LRRC7: variants seen among roughly 807,000 people sequenced by gnomAD.
The protein encoded by LRRC7 is leucine rich repeat containing 7, also known as leucine-rich repeat-containing protein 7.
LRRC7 carries 23 observed loss-of-function variants against 175.7 expected under a neutral mutation model. The ratio of observed to expected loss-of-function variants is 0.13; its 90% confidence interval spans 0.09 to 0.19. The LOEUF is 0.19. LRRC7 is among the 10% of genes least tolerant of loss of function. The probability of loss-of-function intolerance (pLI) is 1.00; values close to 1 mark genes in which losing one functional copy is unlikely to be tolerated. For missense variants in LRRC7, 1,354 were observed against 1,904.7 expected (o/e 0.71, Z 5.38); for synonymous variants, 685 against 680.9 (o/e 1.01, Z -0.09).
In LRRC7 at chr1:70,132,517, G is replaced by T. The variant is rs769484605; in HGVS notation, c.*10630G>T. On this transcript the variant is annotated 3_prime_UTR_variant, in exon 27 of 27. Transcript: ENST00000651989. The stretch of plus-strand genomic sequence containing the variant: ...GTCTCACTCTGTCATCAGGCTGGAG[G>T]CTGGAGTGCAGTGGCACGATCTCAG... Among the ~76,000 whole-genome samples, 58 of 123,696 alleles carry T rather than the reference G, an allele frequency of 4.7e-4. No individual in the cohort carries two copies. Among genetic ancestry groups the T allele is most frequent in the Non-Finnish European group, 7.2e-4 (46 of 63,876 alleles). 81.1% of individuals were successfully genotyped at this position (123,696 alleles called of 152,430 possible).
intron 1 of LRRC7, among the ~76,000 whole-genome samples, chr1:69,619,805 A>C (rs1433692068): frequency 1.3e-5 from 2 of 152,220 alleles, no homozygotes; most frequent in African/African-American, 4.8e-5. Context: ...CTGTATAATG[A>C]AATGTGTCAA....
intron 1 of LRRC7, among the ~76,000 whole-genome samples, chr1:69,611,688 A>G (rs1648756820): frequency 6.6e-6 from 1 of 152,066 alleles, no homozygotes; most frequent in African/African-American, 2.4e-5. Flanking sequence ...AGGCACATGG[A>G]ACCCTTTTTG....
chr1:69,787,421 C>T (rs1674584384), intron 3 of LRRC7, among the ~76,000 whole-genome samples: 4 of 152,226 alleles, frequency 2.6e-5, no homozygotes, highest in African/African-American at 9.6e-5. Context: ...CACATTTCCC[C>T]TCTGCACTGC....
At chr1:69,778,427 T>C (rs1041402051) in intron 3 of LRRC7, among the ~76,000 whole-genome samples, 2 of 152,190 alleles carry the variant, frequency 1.3e-5, no homozygotes, top group African/African-American at 2.4e-5. Context: ...AGCTAGCTTT[T>C]CACTAAATAT....
At chr1:69,964,592 T>C (rs1651479687) in intron 8 of LRRC7, among the ~76,000 whole-genome samples, 1 of 152,214 alleles carries the variant, frequency 6.6e-6, no homozygotes, top group East Asian at 1.9e-4. Context: ...GCTTCTAGGA[T>C]CTTATATGTT....
At chr1:70,071,623 T>C (rs1662393900) in intron 23 of LRRC7, among the ~76,000 whole-genome samples, 1 of 152,226 alleles carries the variant, frequency 6.6e-6, no homozygotes. Flanking sequence ...AATCAGTAAG[T>C]AAGTTATCCT....
intron 3 of LRRC7, among the ~76,000 whole-genome samples, chr1:69,785,542 T>C (rs756828170): frequency 2.6e-5 from 4 of 152,172 alleles, no homozygotes; most frequent in Admixed American, 6.5e-5. Flanking sequence ...TCTGTATTTT[T>C]ATCTGTGTTG....
At chr1:69,896,086 A>G (rs1276235589) in intron 7 of LRRC7, among the ~76,000 whole-genome samples, 2 of 152,168 alleles carry the variant, frequency 1.3e-5, no homozygotes, top group African/African-American at 4.8e-5. Flanking sequence ...GGGAAGTATG[A>G]TAGTGACTAA....
chr1:69,688,989 G>A (rs1390803570), intron 2 of LRRC7, among the ~76,000 whole-genome samples: 2 of 152,182 alleles, frequency 1.3e-5, no homozygotes, highest in Non-Finnish European at 2.9e-5. Flanking sequence ...GGATAGAGGA[G>A]GTGGTACTTG....
intron 7 of LRRC7, among the ~76,000 whole-genome samples, chr1:69,892,963 A>T (rs1645879532): frequency 6.6e-6 from 1 of 152,194 alleles, no homozygotes; most frequent in Non-Finnish European, 1.5e-5. Flanking sequence ...CCTCCAAGGC[A>T]CTTGATTAAG....
rs1342422407 is a variant in LRRC7 at position 69,832,393 on chromosome 1, CA to C, written c.501-2385del. On this transcript the variant is annotated intron_variant, in intron 5 of 26. Transcript: ENST00000651989. ...TTCAGACAGGAAGGAAAGGGGCAGGCAATCATGATTTGTTCCAGTGTACAAC... is the reference window on the plus strand; with the variant it reads ...TTCAGACAGGAAGGAAAGGGGCAGGCATCATGATTTGTTCCAGTGTACAAC... Among the ~76,000 whole-genome samples, 5 of 152,160 alleles carry C rather than the reference CA, an allele frequency of 3.3e-5. No homozygotes were observed. In the East Asian group the frequency reaches 9.7e-4, roughly 29 times the overall value.
chr1:69,888,638 T>G (rs903461817), intron 7 of LRRC7, among the ~76,000 whole-genome samples: 1 of 151,980 alleles, frequency 6.6e-6, no homozygotes, highest in African/African-American at 2.4e-5. Context: ...TCTTGGCTCC[T>G]CCTCCTGAGG....
At chr1:70,068,611 GT>G (rs1373359276) in intron 23 of LRRC7, among the ~76,000 whole-genome samples, 13 of 151,050 alleles carry the variant, frequency 8.6e-5, no homozygotes, top group East Asian at 5.8e-4. Context: ...TTATTTGTTT[GT>G]TTTGTTTTTT....
At chr1:69,772,704 T>C (rs1390526186) in intron 3 of LRRC7, among the ~76,000 whole-genome samples, 1 of 152,202 alleles carries the variant, frequency 6.6e-6, no homozygotes, top group African/African-American at 2.4e-5. Flanking sequence ...GACTATGTTT[T>C]GTAGGCAAAG....
At chr1:69,889,063 C>A (rs1006393743) in intron 7 of LRRC7, among the ~76,000 whole-genome samples, 10 of 152,172 alleles carry the variant, frequency 6.6e-5, no homozygotes, top group African/African-American at 2.4e-4. Flanking sequence ...TCTTTAAAAA[C>A]AATATACATA....
At chr1:70,005,497 C>T (rs956307707) in intron 11 of LRRC7, among the ~76,000 whole-genome samples, 1 of 152,112 alleles carries the variant, frequency 6.6e-6, no homozygotes, top group Non-Finnish European at 1.5e-5. Flanking sequence ...TATCCAAGAG[C>T]AACTCATGAA....
intron 8 of LRRC7, among the ~76,000 whole-genome samples, chr1:69,960,051 G>A (rs115702937): frequency 0.011 from 1,720 of 152,142 alleles, 37 homozygotes; most frequent in African/African-American, 0.039. Flanking sequence ...AATAGTTTTG[G>A]TAGAAATGAT....
chr1:70,086,008 C>T (rs1273450057), intron 24 of LRRC7, among the ~76,000 whole-genome samples: 1 of 152,150 alleles, frequency 6.6e-6, no homozygotes, highest in Non-Finnish European at 1.5e-5. Context: ...TTGAGGTACT[C>T]TTTGAATAAC....
At chr1:69,625,904 G>GTT (rs1430911861) in intron 1 of LRRC7, among the ~76,000 whole-genome samples, 2 of 152,098 alleles carry the variant, frequency 1.3e-5, no homozygotes, top group Admixed American at 1.3e-4. Context: ...TACAATGTGT[G>GTT]TTTTGCCATT....
Sources: allele counts gnomAD v4.1 joint callset (sites outside exome capture counted in the v4.1 genomes callset), GRCh38; gene constraint gnomAD v4.1.1; transcripts MANE v1.5; gene names NCBI Gene and HGNC (gene_info 2026-07-23, HGNC 2026-07-21).